NR1D2: variants seen among roughly 807,000 people sequenced by gnomAD.
NR1D2 encodes nuclear receptor subfamily 1 group D member 2, also known as V-erbA-related protein 1-related.
NR1D2 carries 25 observed loss-of-function variants against 52.2 expected under a neutral mutation model. That is an observed-to-expected ratio of 0.48 (90% CI 0.35 to 0.67). NR1D2 has a LOEUF of 0.67. NR1D2 is among the 30% of genes least tolerant of loss of function. NR1D2 has a pLI of 0.01. For missense variants in NR1D2, 681 were observed against 707.2 expected (o/e 0.96, Z 0.42); for synonymous variants, 259 against 230.1 (o/e 1.13, Z -1.14).
At chr3:23,960,132 G>A (rs1394189311) in intron 4 of NR1D2, among the ~76,000 whole-genome samples, 4 of 151,978 alleles carry the variant, frequency 2.6e-5, no homozygotes, top group East Asian at 1.9e-4. Flanking sequence ...TATATGGCCG[G>A]GCATGGTGGC....
At chr3:23,969,583 C>T (rs886984920) in intron 7 of NR1D2, among the ~76,000 whole-genome samples, 11 of 152,104 alleles carry the variant, frequency 7.2e-5, no homozygotes, top group South Asian at 2.1e-4. Flanking sequence ...TCAGATTAAT[C>T]GATTATTTTG....
At chr3:23,969,588 A>G (rs1443647092) in intron 7 of NR1D2, among the ~76,000 whole-genome samples, 1 of 152,246 alleles carries the variant, frequency 6.6e-6, no homozygotes, top group Non-Finnish European at 1.5e-5. Context: ...TTAATCGATT[A>G]TTTTGAAACC....
intron 1 of NR1D2, among the ~76,000 whole-genome samples, chr3:23,954,139 T>A (rs754550385): frequency 1.3e-5 from 2 of 152,202 alleles, no homozygotes; most frequent in Non-Finnish European, 2.9e-5. Flanking sequence ...TAGCTGGCAC[T>A]ACTAGAGGTG....
At chr3:23,955,870 T>C (rs1318127050) in intron 2 of NR1D2, among the ~76,000 whole-genome samples, 167 bp from the exon 3 acceptor site, 1 of 152,148 alleles carries the variant, frequency 6.6e-6, no homozygotes, top group East Asian at 1.9e-4. Context: ...AAGAAAATTA[T>C]GATTGTGATT....
At chr3:23,963,970 G>T (rs1706368416) in intron 5 of NR1D2, among the ~76,000 whole-genome samples, 1 of 148,620 alleles carries the variant, frequency 6.7e-6, no homozygotes, top group Non-Finnish European at 1.5e-5. Context: ...CCCTCACGCA[G>T]TCGTCATTTA....
At chr3:23,956,950 T>G (rs1049779307) in intron 3 of NR1D2, among the ~76,000 whole-genome samples, 2 of 152,048 alleles carry the variant, frequency 1.3e-5, no homozygotes, top group African/African-American at 4.8e-5. Context: ...GAGGAAATAT[T>G]TTCAAGTGTG....
rs1374375454 is a variant in NR1D2, at chr3:23,980,434, T to C, written c.*3015T>C. On this transcript the variant is annotated 3_prime_UTR_variant, in exon 8 of 8. Transcript: ENST00000312521. ...CAAAAGATAAAACTTGAAGCTATTC[T>C]GGAACTAACATGGAAAAATGAAATG... 2.0e-5 allele frequency: 3 copies of C among 152,066 alleles called. No individual in the cohort carries two copies. Among genetic ancestry groups the C allele is most frequent in the Non-Finnish European group, 2.9e-5 (2 of 67,992 alleles). 9.4% of individuals were successfully genotyped at this position (152,066 alleles called of 1,614,324 possible). A position where few individuals can be genotyped will look rare whatever the true frequency, so the allele number is the denominator to read the frequency against.
rs563380720 is a variant in NR1D2 at position 23,977,852 on chromosome 3, A to G, written c.*433A>G. 2.0e-5 allele frequency: 3 copies of G among 152,712 alleles called. No homozygotes were observed. Among genetic ancestry groups the G allele is most frequent in the Non-Finnish European group, 2.9e-5 (2 of 68,332 alleles). 9.5% of individuals were successfully genotyped at this position (152,712 alleles called of 1,614,324 possible). ...TACCACAAGACTATTTGATCTGGTA[A>G]TTGGAGACTTCGGGATTTAGGAGAT... On this transcript the variant is annotated 3_prime_UTR_variant, in exon 8 of 8. Coordinates refer to ENST00000312521, the MANE Select transcript of NR1D2 (RefSeq NM_005126.5).
At position 23,970,299 on chromosome 3, in the gene NR1D2, G is replaced by A. The variant is rs1706551824; in HGVS notation, c.1543+2276G>A. Among the ~76,000 whole-genome samples the A allele has an allele frequency of 2.0e-5, 3 of 152,280 alleles. No individual in the cohort carries two copies. The South Asian group carries it at 6.2e-4, about 32-fold the overall frequency. On this transcript the variant is annotated intron_variant, in intron 7 of 7. Coordinates refer to ENST00000312521, the MANE Select transcript of NR1D2 (RefSeq NM_005126.5). The stretch of plus-strand genomic sequence containing the variant: ...GCCAACTTCCCAGAGGTAGTTCAGA[G>A]GAAGAAATGATGGCAAAGGGGTAGA...
intron 1 of NR1D2, among the ~76,000 whole-genome samples, chr3:23,952,475 G>A (rs1300342588): frequency 6.6e-6 from 1 of 151,912 alleles, no homozygotes; most frequent in Admixed American, 6.6e-5. Flanking sequence ...TTTGGGAGGT[G>A]GAGGCGGGCG....
intron 1 of NR1D2, 104 bp from the exon 2 acceptor site, chr3:23,954,433 A>G (rs1706029510): frequency 2.2e-6 from 2 of 922,390 alleles, no homozygotes; most frequent in Admixed American, 2.3e-5. Context: ...ATTTCATATC[A>G]GTATCCTGTT....
At chr3:23,948,275 C>T (rs573837251) in intron 1 of NR1D2, among the ~76,000 whole-genome samples, 2 of 152,130 alleles carry the variant, frequency 1.3e-5, no homozygotes, top group African/African-American at 2.4e-5. Context: ...TACTGTCCTT[C>T]GTGACATCTC....
At chr3:23,960,173 C>G (rs1246253440) in intron 4 of NR1D2, among the ~76,000 whole-genome samples, 1 of 152,040 alleles carries the variant, frequency 6.6e-6, no homozygotes, top group African/African-American at 2.4e-5. Flanking sequence ...CTTTGGGAGG[C>G]TGAGGTGTGT....
At chr3:23,945,848 C>T (rs1256440312) in intron 1 of NR1D2, among the ~76,000 whole-genome samples, 5 of 150,658 alleles carry the variant, frequency 3.3e-5, no homozygotes, top group African/African-American at 4.9e-5. Context: ...ATGGCCCGGC[C>T]GCGCGAGCCA....
Position 23,978,202 on chromosome 3 carries a change from T to C in NR1D2, c.*783T>C, listed in dbSNP as rs1020195442. ...CTGATACACACGTATTCAAAGTTTATGGGTACAACAAAGACATAGTACATG... is the reference window on the plus strand; with the variant it reads ...CTGATACACACGTATTCAAAGTTTACGGGTACAACAAAGACATAGTACATG... On this transcript the variant is annotated 3_prime_UTR_variant, in exon 8 of 8. Coordinates refer to ENST00000312521, the MANE Select transcript of NR1D2 (RefSeq NM_005126.5). 2 of 152,192 alleles carry C rather than the reference T, an allele frequency of 1.3e-5. No individual in the cohort carries two copies. Among genetic ancestry groups the C allele is most frequent in the African/African-American group, 2.4e-5 (1 of 41,452 alleles). 9.4% of individuals were successfully genotyped at this position (152,192 alleles called of 1,614,324 possible).
At position 23,945,573 on chromosome 3, in the gene NR1D2, G is replaced by A. The variant is rs1705637264; in HGVS notation, c.-6G>A. The A allele has an allele frequency of 2.6e-6, 3 of 1,172,492 alleles. No homozygotes were observed. The highest frequency in any genetic ancestry group is 3.2e-6 in the Non-Finnish European group (3 of 942,440). 72.6% of individuals were successfully genotyped at this position (1,172,492 alleles called of 1,614,324 possible). ...GGGCGGCCCCGGCCGCCTCCGCGAG[G>A]GCACCATGGAGGTGAATGCAGGTAA... On this transcript the variant is annotated 5_prime_UTR_variant, in exon 1 of 8. Transcript: ENST00000312521.
Position 23,950,902 on chromosome 3 carries a change from CTTTTTTTT to C in NR1D2, c.17-3623_17-3616del, listed in dbSNP as rs1181448290. On this transcript the variant is annotated intron_variant, in intron 1 of 7. Coordinates refer to ENST00000312521, the MANE Select transcript of NR1D2 (RefSeq NM_005126.5). ...TTTCTTTTCTTTTCTCTTTCTTTTTCTTTTTTTTTTTTTTTTTTTGAGATGGAGTTTTC... is the reference window on the plus strand; with the variant it reads ...TTTCTTTTCTTTTCTCTTTCTTTTTCTTTTTTTTTTTGAGATGGAGTTTTC... Among the ~76,000 whole-genome samples the C allele has an allele frequency of 8.9e-5, 11 of 123,110 alleles. No individual in the cohort carries two copies. In the East Asian group the frequency reaches 1.3e-3, roughly 14 times the overall value. 80.8% of individuals were successfully genotyped at this position (123,110 alleles called of 152,430 possible). A position where few individuals can be genotyped will look rare whatever the true frequency, so the allele number is the denominator to read the frequency against.
chr3:23,945,933 A>G (rs962491790), intron 1 of NR1D2, among the ~76,000 whole-genome samples: 1 of 146,288 alleles, frequency 6.8e-6, no homozygotes, highest in African/African-American at 2.5e-5. Flanking sequence ...GGCATTACAT[A>G]ATGGGCGCTG....
At chr3:23,947,373 C>T (rs1441642039) in intron 1 of NR1D2, among the ~76,000 whole-genome samples, 2 of 152,244 alleles carry the variant, frequency 1.3e-5, no homozygotes, top group Non-Finnish European at 2.9e-5. Flanking sequence ...CTTCCCCCTT[C>T]AGTTCTTCCA....
Sources: allele counts gnomAD v4.1 joint callset (sites outside exome capture counted in the v4.1 genomes callset), GRCh38; gene constraint gnomAD v4.1.1; transcripts MANE v1.5; gene names NCBI Gene and HGNC (gene_info 2026-07-23, HGNC 2026-07-21).